The following ERBB4 variants were observed in gnomAD, a reference collection of about 807,000 sequenced individuals.
ERBB4 encodes the protein receptor tyrosine-protein kinase erbB-4.
A neutral mutation model predicts 158.0 loss-of-function variants in ERBB4; 42 were observed. The ratio of observed to expected loss-of-function variants is 0.27; its 90% CI spans 0.21 to 0.34. The LOEUF is 0.34. ERBB4 is among the 10% of genes least tolerant of loss of function. The pLI, the probability that ERBB4 is intolerant of heterozygous loss-of-function variation, is 1.00. For synonymous variants in ERBB4, 583 were observed against 558.7 expected, an observed-to-expected ratio of 1.04 and a Z score of -0.61; for missense variants, 1,333 against 1,624.1, an observed-to-expected ratio of 0.82 and a Z score of 3.08.
At chr2:211,725,045 G>T (rs938762737) in intron 6 of ERBB4, 31 bp downstream of exon 6, 2 of 1,404,060 alleles carry the variant, frequency 1.4e-6, no homozygotes, top group Non-Finnish European at 2.0e-6. Flanking sequence ...AAGGAGAGCA[G>T]GATAATAAAA....
At position 211,544,636 on chromosome 2, in the gene ERBB4, G is replaced by T. The variant is rs549745667; in HGVS notation, c.2487+17267C>A. ...GAGAAAATAATAATGATAGCAAAAC[G>T]TTATTGAATGCTGATATACATCAGA... On this transcript the variant is annotated intron_variant, in intron 20 of 27. Transcript: ENST00000342788. Among the ~76,000 whole-genome samples, 50 of 152,032 alleles carry T rather than the reference G, an allele frequency of 3.3e-4. 1 individual carries two copies. The highest frequency in any genetic ancestry group is 3.4e-3 in the Middle Eastern group (1 of 294).
At chr2:211,542,582 T>C (rs2066838449) in intron 20 of ERBB4, among the ~76,000 whole-genome samples, 1 of 152,030 alleles carries the variant, frequency 6.6e-6, no homozygotes, top group African/African-American at 2.4e-5. Context: ...AGTTAGAAGA[T>C]GTTCTAAAAA....
In ERBB4 at chr2:211,402,944, A is replaced by G. The variant is rs567794616; in HGVS notation, c.3136-14952T>C. On this transcript the variant is annotated intron_variant, in intron 25 of 27. Transcript: ENST00000342788. ...TCTAACCTCTTTGACCCAAAGGTGG[A>G]TTTACCTTGAAGCAATGAAGTTTAA... 1.6e-3 allele frequency among the ~76,000 whole-genome samples: 240 copies of G among 152,104 alleles called. 2 individuals carry two copies. Among genetic ancestry groups the G allele is most frequent in the Non-Finnish European group, 3.1e-3 (213 of 67,982 alleles).
intron 1 of ERBB4, among the ~76,000 whole-genome samples, chr2:212,221,617 T>C (rs767497525): frequency 1.3e-5 from 2 of 151,576 alleles, no homozygotes; most frequent in African/African-American, 2.4e-5. Flanking sequence ...GCCATGAAGA[T>C]TTGCTGAGCA....
intron 3 of ERBB4, among the ~76,000 whole-genome samples, chr2:211,936,275 G>A (rs1022500400): frequency 6.6e-6 from 1 of 151,128 alleles, no homozygotes; most frequent in African/African-American, 2.4e-5. Flanking sequence ...CTATTTCATA[G>A]TAAATTGAAA....
intron 20 of ERBB4, among the ~76,000 whole-genome samples, chr2:211,453,010 T>C (rs1321262981): frequency 6.6e-6 from 1 of 152,190 alleles, no homozygotes; most frequent in Non-Finnish European, 1.5e-5. Context: ...TCCTTTTTAG[T>C]ATATTGAACT....
At chr2:211,462,237 C>T (rs189778204) in intron 20 of ERBB4, among the ~76,000 whole-genome samples, 44 of 152,076 alleles carry the variant, frequency 2.9e-4, no homozygotes, top group African/African-American at 1.0e-3. Context: ...TTTAAACAAT[C>T]AGATCTCATA....
intron 3 of ERBB4, among the ~76,000 whole-genome samples, chr2:211,905,106 T>G (rs550801384): frequency 6.6e-6 from 1 of 152,244 alleles, no homozygotes; most frequent in African/African-American, 2.4e-5. Context: ...GCCTTACAAT[T>G]CTGGAGTTCA....
At position 212,208,774 on chromosome 2, in the gene ERBB4, T is replaced by TAA. The variant is rs200485835; in HGVS notation, c.83-83873_83-83872dup. On this transcript the variant is annotated intron_variant, in intron 1 of 27. Transcript: ENST00000342788. ...AACAATCCTGTAACACTTCCAGCCT[T>TAA]AAATAGACACCAGATCATCCAAGGC... 7.1e-3 allele frequency among the ~76,000 whole-genome samples: 1,088 copies of TAA among 152,272 alleles called. 6 individuals carry two copies. Among genetic ancestry groups the TAA allele is most frequent in the Middle Eastern group, 0.02 (6 of 294 alleles).
At chr2:212,141,605 T>C (rs986140433) in intron 1 of ERBB4, among the ~76,000 whole-genome samples, 1 of 152,166 alleles carries the variant, frequency 6.6e-6, no homozygotes, top group East Asian at 1.9e-4. Flanking sequence ...AATCTCATTT[T>C]AATAAATGGC....
chr2:211,461,640 A>G (rs1432842454), intron 20 of ERBB4, among the ~76,000 whole-genome samples: 1 of 152,124 alleles, frequency 6.6e-6, no homozygotes, highest in East Asian at 1.9e-4. Context: ...GGCCACAAGA[A>G]AGAAACATAG....
chr2:211,888,572 CG>C (rs1285125202), intron 3 of ERBB4, among the ~76,000 whole-genome samples: 2 of 151,960 alleles, frequency 1.3e-5, no homozygotes, highest in Non-Finnish European at 2.9e-5. Flanking sequence ...GGAACAGCTC[CG>C]GTCTACAGCT....
chr2:212,104,124 G>A (rs550256343), intron 2 of ERBB4, among the ~76,000 whole-genome samples: 3 of 152,130 alleles, frequency 2.0e-5, no homozygotes, highest in South Asian at 2.1e-4. Flanking sequence ...TTAGCCCAGT[G>A]TCATGCTTCT....
At chr2:211,436,297 A>C (rs2063852526) in intron 20 of ERBB4, among the ~76,000 whole-genome samples, 1 of 152,204 alleles carries the variant, frequency 6.6e-6, no homozygotes, top group African/African-American at 2.4e-5. Context: ...GAATTGTGCA[A>C]ACTACAGACT....
intron 1 of ERBB4, among the ~76,000 whole-genome samples, chr2:212,160,622 T>C (rs529281437): frequency 1.5e-4 from 23 of 152,126 alleles, no homozygotes; most frequent in African/African-American, 4.8e-4. Flanking sequence ...ATTCTATATG[T>C]TCCTCTTAGA....
intron 3 of ERBB4, among the ~76,000 whole-genome samples, chr2:211,925,373 C>A (rs2079988561): frequency 7.3e-6 from 1 of 136,656 alleles, no homozygotes; most frequent in African/African-American, 2.8e-5. Context: ...AAAAACAAGA[C>A]TGCTTTTTTT....
At chr2:211,772,924 CAT>C (rs1159274288) in intron 4 of ERBB4, among the ~76,000 whole-genome samples, 385 of 36,708 alleles carry the variant, frequency 0.01, 9 homozygotes, top group Admixed American at 0.028. Flanking sequence ...CACACACACA[CAT>C]ATATATATAT....
At chr2:211,578,848 A>G (rs552639860) in intron 19 of ERBB4, among the ~76,000 whole-genome samples, 1 of 152,298 alleles carries the variant, frequency 6.6e-6, no homozygotes, top group Non-Finnish European at 1.5e-5. Flanking sequence ...AATTATAAAA[A>G]CCCTAGAAGA....
intron 1 of ERBB4, among the ~76,000 whole-genome samples, chr2:212,253,209 A>G (rs966232484): frequency 6.6e-6 from 1 of 152,140 alleles, no homozygotes; most frequent in African/African-American, 2.4e-5. Context: ...TGTTCAATTA[A>G]AAGTTGTTAC....
Sources: allele counts gnomAD v4.1 joint callset (sites outside exome capture counted in the v4.1 genomes callset), GRCh38; gene constraint gnomAD v4.1.1; transcripts MANE v1.5; gene names NCBI Gene and HGNC (gene_info 2026-07-23, HGNC 2026-07-21).